Variants in PTPRD observed in about 807,000 individuals in gnomAD.
PTPRD encodes the protein protein tyrosine phosphatase receptor type D.
A neutral mutation model predicts 214.5 loss-of-function variants in PTPRD; 34 were observed. The observed-to-expected ratio is 0.16, with a 90% CI of 0.12 to 0.21. The LOEUF (loss-of-function observed/expected upper bound fraction) is 0.21, where lower values mean the gene tolerates loss of function less well. Among genes scored for constraint, PTPRD ranks in the 10% least tolerant of loss-of-function variants. The pLI is 1.00. For synonymous variants in PTPRD, 1,128 were observed against 845.7 expected (o/e 1.33, Z -5.79); for missense variants, 2,545 against 2,398.7 (o/e 1.06, Z -1.27).
intron 34 of PTPRD, among the ~76,000 whole-genome samples, chr9:8,443,936 A>G (rs776950095): frequency 2.6e-5 from 4 of 152,216 alleles, no homozygotes; most frequent in Non-Finnish European, 2.9e-5. Flanking sequence ...ATCTTTTAAT[A>G]ATATTATGTT....
chr9:9,908,524 A>G (rs1350191967), intron 5 of PTPRD, among the ~76,000 whole-genome samples: 1 of 152,076 alleles, frequency 6.6e-6, no homozygotes, highest in East Asian at 1.9e-4. Context: ...TGCCATCCAC[A>G]GGGTTGTTAA....
At chr9:9,293,981 C>A (rs553965600) in intron 9 of PTPRD, among the ~76,000 whole-genome samples, 1 of 151,520 alleles carries the variant, frequency 6.6e-6, no homozygotes, top group Non-Finnish European at 1.5e-5. Context: ...TACTCTTGCA[C>A]TTTGGGGTCA....
rs1405539169 is a variant in PTPRD, at chr9:8,756,933, G to C, written c.-103-22987C>G. Among the ~76,000 whole-genome samples the C allele has an allele frequency of 2.0e-5, 3 of 152,070 alleles. No homozygotes were observed. The East Asian group carries it at 5.8e-4, about 29-fold the overall frequency. On this transcript the variant is annotated intron_variant, in intron 11 of 45. Transcript: ENST00000381196. ...AGGTGGGCAGATCACTTGAGGTTAG[G>C]AGTTCAAGACCACCTTGGCCAACGT...
intron 11 of PTPRD, among the ~76,000 whole-genome samples, chr9:8,836,409 G>A (rs778263890): frequency 1.3e-5 from 2 of 151,970 alleles, no homozygotes; most frequent in East Asian, 1.9e-4. Flanking sequence ...GTTTTCTCCT[G>A]CCTAAAAATA....
chr9:10,461,193 C>T (rs1008686668), intron 2 of PTPRD, among the ~76,000 whole-genome samples: 2 of 150,434 alleles, frequency 1.3e-5, no homozygotes, highest in Non-Finnish European at 2.9e-5. Flanking sequence ...CTCTATATAT[C>T]CTCATAACTG....
intron 7 of PTPRD, among the ~76,000 whole-genome samples, chr9:9,599,617 T>A (rs2093610695): frequency 6.6e-6 from 1 of 151,872 alleles, no homozygotes; most frequent in Non-Finnish European, 1.5e-5. Flanking sequence ...TCATTCTGAG[T>A]AATTTCCACA....
intron 2 of PTPRD, among the ~76,000 whole-genome samples, chr9:10,354,379 T>C (rs780004360): frequency 6.6e-6 from 1 of 152,180 alleles, no homozygotes; most frequent in Non-Finnish European, 1.5e-5. Context: ...TTTCTGACTG[T>C]TAAAAGGCTA....
At chr9:9,703,966 C>T (rs1318693273) in intron 7 of PTPRD, among the ~76,000 whole-genome samples, 2 of 152,136 alleles carry the variant, frequency 1.3e-5, no homozygotes, top group African/African-American at 4.8e-5. Flanking sequence ...CTCACTGCAG[C>T]CCTGATCTCC....
At chr9:8,899,450 C>T (rs1300652447) in intron 11 of PTPRD, among the ~76,000 whole-genome samples, 4 of 152,130 alleles carry the variant, frequency 2.6e-5, no homozygotes, top group African/African-American at 2.4e-5. Flanking sequence ...CGGCATATCT[C>T]CCAGCTATGA....
chr9:10,142,582 T>C (rs1288560481), intron 3 of PTPRD, among the ~76,000 whole-genome samples: 20 of 151,170 alleles, frequency 1.3e-4, no homozygotes, highest in South Asian at 6.3e-4. Flanking sequence ...GAGATACCAT[T>C]TCACACCAGT....
chr9:9,208,039 A>ATTTTTTTTTTTTTTTTTT (rs1334776647), intron 9 of PTPRD, among the ~76,000 whole-genome samples: 1 of 5,552 alleles, frequency 1.8e-4, no homozygotes, highest in African/African-American at 3.7e-4. Context: ...TTTTTTTTTG[A>ATTTTTTTTTTTTTTTTTT]GACAGAGCTT....
At chr9:9,970,573 TC>T (rs976688346) in intron 4 of PTPRD, among the ~76,000 whole-genome samples, 1 of 151,904 alleles carries the variant, frequency 6.6e-6, no homozygotes, top group South Asian at 2.1e-4. Flanking sequence ...ATTGTCCTCC[TC>T]CCCCCACACA....
At chr9:9,438,219 A>G (rs189805502) in intron 8 of PTPRD, among the ~76,000 whole-genome samples, 10 of 152,344 alleles carry the variant, frequency 6.6e-5, no homozygotes, top group Admixed American at 5.2e-4. Flanking sequence ...AGTTAGGATT[A>G]CAACAGAATG....
chr9:9,371,006 C>T (rs202116360), intron 9 of PTPRD, among the ~76,000 whole-genome samples: 1 of 152,028 alleles, frequency 6.6e-6, no homozygotes, highest in South Asian at 2.1e-4. Context: ...CTGCTGGATT[C>T]GTTTTGCCAG....
intron 10 of PTPRD, among the ~76,000 whole-genome samples, chr9:9,077,769 G>A (rs1016392869): frequency 1.3e-5 from 2 of 151,988 alleles, no homozygotes; most frequent in African/African-American, 4.8e-5. Flanking sequence ...ACAAGATAAA[G>A]ATGAAGCACA....
chr9:9,544,597 C>A (rs2078345773), intron 8 of PTPRD, among the ~76,000 whole-genome samples: 1 of 151,544 alleles, frequency 6.6e-6, no homozygotes, highest in Non-Finnish European at 1.5e-5. Context: ...AGTCACCTGA[C>A]CTTATAAAAA....
At chr9:10,547,763 G>A (rs1378415970) in intron 2 of PTPRD, among the ~76,000 whole-genome samples, 1 of 151,936 alleles carries the variant, frequency 6.6e-6, no homozygotes, top group Admixed American at 6.6e-5. Context: ...TAGAAGAGGT[G>A]GAAGATGCTA....
intron 11 of PTPRD, among the ~76,000 whole-genome samples, chr9:8,992,964 A>G (rs990154296): frequency 1.2e-4 from 18 of 152,210 alleles, no homozygotes; most frequent in Admixed American, 1.1e-3. Flanking sequence ...ATTACAACAC[A>G]CTCTATAAGA....
intron 11 of PTPRD, among the ~76,000 whole-genome samples, chr9:8,737,143 G>A (rs1054837756): frequency 5.3e-5 from 8 of 152,152 alleles, no homozygotes; most frequent in African/African-American, 1.9e-4. Flanking sequence ...TGCATAAGAA[G>A]ACCAAATTTT....
Sources: allele counts gnomAD v4.1 joint callset (sites outside exome capture counted in the v4.1 genomes callset), GRCh38; gene constraint gnomAD v4.1.1; transcripts MANE v1.5; gene names NCBI Gene and HGNC (gene_info 2026-07-23, HGNC 2026-07-21).